Variants in TRIM34 observed in about 807,000 individuals in gnomAD.
The protein encoded by TRIM34 is E3 ubiquitin-protein ligase TRIM34.
A neutral mutation model predicts 38.1 loss-of-function variants in TRIM34; 41 were observed. That is an observed-to-expected ratio of 1.08 (90% CI 0.84 to 1.40). The LOEUF is 1.40. TRIM34 is among the 40% of genes most tolerant of loss of function. The probability of loss-of-function intolerance (pLI) is 0.00; values close to 1 mark genes in which losing one functional copy is unlikely to be tolerated. For missense variants in TRIM34, 556 were observed against 571.4 expected (o/e 0.97, Z 0.27); for synonymous variants, 200 against 202.5 (o/e 0.99, Z 0.10).
At chr11:5,642,137 A>G (rs1470665768) in intron 5 of TRIM34, among the ~76,000 whole-genome samples, 2 of 152,160 alleles carry the variant, frequency 1.3e-5, no homozygotes, top group Non-Finnish European at 1.5e-5. Context: ...TTAGATATCA[A>G]AGGAGGGTTT....
chr11:5,642,518 C>G lies in TRIM34; in HGVS notation c.874+12C>G. On this transcript the variant is annotated intron_variant, in intron 6 of 7. Coordinates refer to ENST00000429814, the MANE Select transcript of TRIM34 (RefSeq NM_021616.6). ...GCAAATGTTTAGAGGTGAGGAGAAGCAGACAAAGACTGTGGATGTGGGATT... is the reference window on the plus strand; with the variant it reads ...GCAAATGTTTAGAGGTGAGGAGAAGGAGACAAAGACTGTGGATGTGGGATT... The G allele has an allele frequency of 6.2e-7, 1 of 1,612,366 alleles. No individual in the cohort carries two copies. Among genetic ancestry groups the G allele is most frequent in the Non-Finnish European group, 8.5e-7 (1 of 1,179,138 alleles).
intron 1 of TRIM34, among the ~76,000 whole-genome samples, chr11:5,626,283 A>AT (rs1258409234): frequency 3.7e-4 from 57 of 152,258 alleles, no homozygotes; most frequent in African/African-American, 1.3e-3. Context: ...GGAAGCCTAC[A>AT]TCCAAATAGA....
intron 4 of TRIM34, among the ~76,000 whole-genome samples, chr11:5,638,694 G>A (rs1453519332): frequency 1.2e-4 from 19 of 152,182 alleles, no homozygotes; most frequent in Admixed American, 1.2e-3. Flanking sequence ...CAATATGGCT[G>A]GAGAACAGCT....
intron 4 of TRIM34, among the ~76,000 whole-genome samples, chr11:5,638,487 G>A (rs1221542053): frequency 7.1e-6 from 1 of 140,096 alleles, no homozygotes; most frequent in African/African-American, 2.7e-5. Flanking sequence ...TACACCAGCT[G>A]GTGTCATGAA....
Position 5,643,714 on chromosome 11 carries a change from T to A in TRIM34, c.*5T>A. On this transcript the variant is annotated 3_prime_UTR_variant, in exon 8 of 8. Coordinates refer to ENST00000429814, the MANE Select transcript of TRIM34 (RefSeq NM_021616.6). ...CTATGCCCACCAAGCTCTTGAATTTTCTCATTTCTTCACCTACAACCCTTT... is the reference window on the plus strand; with the variant it reads ...CTATGCCCACCAAGCTCTTGAATTTACTCATTTCTTCACCTACAACCCTTT... The A allele has an allele frequency of 6.4e-7, 1 of 1,568,272 alleles. No homozygotes were observed. Among genetic ancestry groups the A allele is most frequent in the South Asian group, 1.2e-5 (1 of 81,850 alleles).
chr11:5,637,089 T>C (rs1441167893), intron 4 of TRIM34, among the ~76,000 whole-genome samples: 2 of 151,972 alleles, frequency 1.3e-5, no homozygotes, highest in Non-Finnish European at 2.9e-5. Flanking sequence ...AGGAGAATGG[T>C]GTGAACCCAG....
rs1224183685 is a variant in TRIM34 at position 5,632,253 on chromosome 11, A to G, written c.-77-2A>G. On this transcript the variant is annotated splice_acceptor_variant, in intron 1 of 7. Transcript: ENST00000429814. LOFTEE classifies it low-confidence loss of function (5UTR_SPLICE). ...TATACCATCCCCTTTCAATCTTCTC[A>G]GCCATCCAGGGGTCTTTAACCAGAA... The G allele has an allele frequency of 6.3e-7, 1 of 1,592,192 alleles. No homozygotes were observed. The highest frequency in any genetic ancestry group is 2.2e-5 in the East Asian group (1 of 44,748).
At chr11:5,636,501 C>A (rs932894821) in intron 4 of TRIM34, among the ~76,000 whole-genome samples, 1 of 152,076 alleles carries the variant, frequency 6.6e-6, no homozygotes, top group African/African-American at 2.4e-5. Context: ...CTGTAAAGGG[C>A]AAATCTTATG....
chr11:5,643,459 G>T lies in TRIM34; in HGVS notation c.1217G>T (p.Cys406Phe), dbSNP rs140596118. The T allele has an allele frequency of 9.9e-6, 16 of 1,614,068 alleles. No individual in the cohort carries two copies. The highest frequency in any genetic ancestry group is 4.0e-5 in the African/African-American group (3 of 74,918). Residue 406 changes from cysteine to phenylalanine, a missense_variant, in exon 8 of 8, where the codon TGT (cysteine) becomes TTT (phenylalanine). Transcript: ENST00000429814. ...TGGGTTATAGGGTTACAGAATAAAT[G>T]TAAGTATGGTGTCTTTGAAGAGTCT... is the stretch of plus-strand genomic sequence containing the variant. ...GYWVIGLQNK[C>F]KYGVFEESLS...
chr11:5,628,778 G>T (rs1366742982), intron 1 of TRIM34, among the ~76,000 whole-genome samples: 2 of 151,140 alleles, frequency 1.3e-5, no homozygotes, highest in Non-Finnish European at 2.9e-5. Context: ...GAGCCCAGAA[G>T]TCCAAAACCA....
intron 7 of TRIM34, 93 bp downstream of exon 7, chr11:5,642,936 T>G (rs932571855): frequency 1.6e-5 from 25 of 1,541,996 alleles, no homozygotes; most frequent in Non-Finnish European, 2.0e-5. Context: ...GCCTCATGCA[T>G]TCTCAGCACC....
intron 1 of TRIM34, among the ~76,000 whole-genome samples, chr11:5,630,294 T>A (rs983589906): frequency 4.5e-4 from 69 of 152,282 alleles, no homozygotes; most frequent in African/African-American, 1.5e-3. Flanking sequence ...GATAACCTTT[T>A]TTTCCCCCAC....
At chr11:5,640,952 T>A (rs12361948) in intron 4 of TRIM34, among the ~76,000 whole-genome samples, 39,972 of 152,156 alleles carry the variant, frequency 0.26, 6,146 homozygotes, top group Non-Finnish European at 0.36. Context: ...CATTTTATAA[T>A]CCTTTTAATT....
In TRIM34 at chr11:5,632,306, C is replaced by A. The variant is rs1247804752; in HGVS notation, c.-26C>A. On this transcript the variant is annotated 5_prime_UTR_variant, in exon 2 of 8. Transcript: ENST00000429814. ...GAGAGGAGAGCCTCAGGAGTTAGGA[C>A]CAGAAGAAGCCAGGGAAGCAGTGCA... 2.4e-5 allele frequency: 38 copies of A among 1,613,718 alleles called. No homozygotes were observed. The highest frequency in any genetic ancestry group is 3.0e-5 in the Non-Finnish European group (35 of 1,179,894).
At chr11:5,635,248 C>G (rs1018417049) in intron 4 of TRIM34, among the ~76,000 whole-genome samples, 1 of 142,406 alleles carries the variant, frequency 7.0e-6, no homozygotes, top group African/African-American at 2.6e-5. Flanking sequence ...CAAATGTTCC[C>G]TGTTAATTTT....
chr11:5,632,025 G>A (rs553585039), intron 1 of TRIM34, among the ~76,000 whole-genome samples: 3 of 152,258 alleles, frequency 2.0e-5, no homozygotes, highest in East Asian at 1.9e-4. Context: ...AAGTATAAAC[G>A]AAAGTCATGC....
chr11:5,643,861 TGA>T lies in TRIM34; in HGVS notation c.*157_*158del, dbSNP rs377658459. On this transcript the variant is annotated 3_prime_UTR_variant, in exon 8 of 8. Transcript: ENST00000429814. ...TGTATGGTGTATTTGGCTTGAGTTA[TGA>T]GAGATGCTTATTTATTCATTTACTC... The T allele has an allele frequency of 5.9e-5, 58 of 986,378 alleles. No homozygotes were observed. In the African/African-American group the frequency reaches 9.3e-4, roughly 16 times the overall value. The allele number at this position is 986,378 out of a possible 1,614,324, so 61.1% of individuals were successfully genotyped here. A position where few individuals can be genotyped will look rare whatever the true frequency, so the allele number is the denominator to read the frequency against.
intron 2 of TRIM34, among the ~76,000 whole-genome samples, chr11:5,633,359 T>C (rs1421714771): frequency 6.6e-6 from 1 of 152,060 alleles, no homozygotes; most frequent in Non-Finnish European, 1.5e-5. Flanking sequence ...TTCATTTACA[T>C]AACAGATGAT....
chr11:5,641,938 G>A (rs769020506), intron 5 of TRIM34, among the ~76,000 whole-genome samples: 1 of 151,898 alleles, frequency 6.6e-6, no homozygotes, highest in East Asian at 1.9e-4. Flanking sequence ...CTTTGAACTC[G>A]GGCACAGGCT....
Sources: allele counts gnomAD v4.1 joint callset (sites outside exome capture counted in the v4.1 genomes callset), GRCh38; gene constraint gnomAD v4.1.1; transcripts MANE v1.5; gene names NCBI Gene and HGNC (gene_info 2026-07-23, HGNC 2026-07-21).